The following CDKL5 variants were observed in gnomAD, a reference collection of about 807,000 sequenced individuals.
CDKL5 encodes the protein cyclin-dependent kinase-like 5.
CDKL5 carries 8 observed loss-of-function variants against 61.7 expected under a neutral mutation model. That is an observed-to-expected ratio of 0.13 (90% CI 0.08 to 0.23). The LOEUF (loss-of-function observed/expected upper bound fraction) is 0.23. Among genes scored for constraint, CDKL5 ranks in the 10% least tolerant of loss-of-function variants. The pLI, the probability that CDKL5 is intolerant of heterozygous loss-of-function variation, is 1.00. For missense variants in CDKL5, 440 were observed against 734.5 expected, an observed-to-expected ratio of 0.60 and a Z score of 4.63; for synonymous variants, 275 against 272.3, an observed-to-expected ratio of 1.01 and a Z score of -0.10.
chrX:18,561,453 T>C (rs1665870309), intron 3 of CDKL5, among the ~76,000 whole-genome samples: 1 of 110,383 alleles, frequency 9.1e-6, no homozygotes, highest in East Asian at 2.8e-4. Flanking sequence ...AAAAAAATTA[T>C]AGCTCATGTA....
intron 4 of CDKL5, among the ~76,000 whole-genome samples, chrX:18,566,048 T>C (rs1394114503): frequency 2.7e-5 from 3 of 112,339 alleles, no homozygotes; most frequent in African/African-American, 6.5e-5. Flanking sequence ...TAAAGGCTTC[T>C]GGCTGTGCAT....
At chrX:18,510,227 C>T (rs941994744) in intron 2 of CDKL5, among the ~76,000 whole-genome samples, 2 of 111,354 alleles carry the variant, frequency 1.8e-5, no homozygotes, top group Non-Finnish European at 3.8e-5. Flanking sequence ...GCGATCTGGA[C>T]TACTGCAACC....
chrX:18,619,760 G>A (rs929517161), intron 15 of CDKL5, 107 bp from the exon 16 acceptor site: 189 of 533,211 alleles, frequency 3.5e-4, no homozygotes, highest in Non-Finnish European at 5.6e-4. Flanking sequence ...GATTCTTCCC[G>A]GCTATAGGAA....
chrX:18,448,259 C>T (rs149918158), intron 1 of CDKL5, among the ~76,000 whole-genome samples: 1,709 of 111,852 alleles, frequency 0.015, 38 homozygotes, highest in African/African-American at 0.053. Flanking sequence ...CTACAGTTGC[C>T]AATGTGATAT....
intron 1 of CDKL5, among the ~76,000 whole-genome samples, chrX:18,460,910 G>T (rs940616163): frequency 1.2e-4 from 13 of 112,043 alleles, no homozygotes; most frequent in African/African-American, 4.2e-4. Context: ...TCCCAAATTT[G>T]ATATTCACAG....
At chrX:18,608,660 T>G in intron 12 of CDKL5, 151 bp from the exon 13 acceptor site, 1 of 470,596 alleles carries the variant, frequency 2.1e-6, no homozygotes, top group East Asian at 3.7e-5. Flanking sequence ...TTCATCAGAT[T>G]ATTCACTTTT....
At position 18,587,886 on chromosome X, in the gene CDKL5, T is replaced by C. The variant is rs191304021; in HGVS notation, c.555-68T>C. Reference sequence around the variant, plus strand: ...GTGCTGCACATAAATTTGTTCACAATAATTTGGAAATTATCAAAACATTAT... The same window carrying C: ...GTGCTGCACATAAATTTGTTCACAACAATTTGGAAATTATCAAAACATTAT... On this transcript the variant is annotated intron_variant, in intron 8 of 17. Transcript: ENST00000623535. 1.9e-3 allele frequency: 1,939 copies of C among 1,027,218 alleles called. 22 individuals are homozygous for C. In the African/African-American group the frequency reaches 0.031, roughly 16 times the overall value. The allele number at this position is 1,027,218 out of a possible 1,213,427, so 84.7% of individuals were successfully genotyped here. A position where few individuals can be genotyped will look rare whatever the true frequency, so the allele number is the denominator to read the frequency against.
At chrX:18,644,296 T>G, downstream of CDKL5, 1 of 596,171 alleles carries the variant, frequency 1.7e-6, no homozygotes, top group Non-Finnish European at 2.9e-6. Flanking sequence ...CAGCACATTG[T>G]GGGGGAAAGC....
At chrX:18,520,806 G>GT (rs1923217872) in intron 3 of CDKL5, among the ~76,000 whole-genome samples, 1 of 111,742 alleles carries the variant, frequency 8.9e-6, no homozygotes, top group Non-Finnish European at 1.9e-5. Flanking sequence ...GGAGTGCAGT[G>GT]TCTCCCTGCA....
At chrX:18,606,211 A>ACAC (rs1926362733) in intron 12 of CDKL5, among the ~76,000 whole-genome samples, 1 of 100,874 alleles carries the variant, frequency 9.9e-6, no homozygotes, top group African/African-American at 3.9e-5. Context: ...CACACACACA[A>ACAC]ACACACAATG....
chrX:18,616,014 A>G (rs780715409), intron 15 of CDKL5, among the ~76,000 whole-genome samples: 59 of 111,698 alleles, frequency 5.3e-4, no homozygotes, highest in African/African-American at 1.7e-3. Context: ...CATCTTTACT[A>G]ATAGGATAAC....
chrX:18,577,526 A>T (rs1469174444), intron 5 of CDKL5, among the ~76,000 whole-genome samples: 1 of 112,314 alleles, frequency 8.9e-6, no homozygotes, highest in Non-Finnish European at 1.9e-5. Context: ...ACCCTCACAT[A>T]TAAATACAAA....
rs998162293 is a variant in CDKL5 at position 18,483,709 on chromosome X, C to T, written c.-162-23226C>T. ...TGTTGGGATTACAGGTGTGAGCCAC[C>T]TCACCTGGCCTCATCATCTTAATTG... is the stretch of plus-strand genomic sequence containing the variant. On this transcript the variant is annotated intron_variant, in intron 1 of 17. Coordinates refer to ENST00000623535, the MANE Select transcript of CDKL5 (RefSeq NM_001323289.2). Among the ~76,000 whole-genome samples, 6 of 110,933 alleles carry T rather than the reference C, an allele frequency of 5.4e-5. No homozygotes were observed. The Admixed American group carries it at 5.8e-4, about 11-fold the overall frequency.
intron 1 of CDKL5, among the ~76,000 whole-genome samples, chrX:18,453,107 G>C (rs762246641): frequency 3.6e-5 from 4 of 111,534 alleles, no homozygotes; most frequent in Non-Finnish European, 7.5e-5. Flanking sequence ...TGGGATTACA[G>C]GCGTGGGCCA....
At chrX:18,530,381 A>G (rs1923601910) in intron 3 of CDKL5, among the ~76,000 whole-genome samples, 1 of 107,746 alleles carries the variant, frequency 9.3e-6, no homozygotes, top group African/African-American at 3.4e-5. Context: ...TCCTCTTTCC[A>G]TTTTAGTTTT....
rs538158224 is a variant in CDKL5, at chrX:18,531,246, C to G, written c.99+20392C>G. Among the ~76,000 whole-genome samples the G allele has an allele frequency of 3.6e-5, 4 of 112,394 alleles. No individual in the cohort carries two copies. The South Asian group carries it at 1.5e-3, about 41-fold the overall frequency. ...GTTGACCTTTGTTATGAAAAACATT[C>G]TGGCCTTATTTCAAAATGGTTACTT... On this transcript the variant is annotated intron_variant, in intron 3 of 17. Coordinates refer to ENST00000623535, the MANE Select transcript of CDKL5 (RefSeq NM_001323289.2).
rs1292108417 is a variant in CDKL5, at chrX:18,636,457, G to A, written c.*7700G>A. ...AATGAGGAAACAGATTTCCATACTT[G>A]ACATTAACCTGCCCAAGGTCACCCA... On this transcript the variant is annotated 3_prime_UTR_variant, in exon 18 of 18. Coordinates refer to ENST00000623535, the MANE Select transcript of CDKL5 (RefSeq NM_001323289.2). The A allele has an allele frequency of 9.2e-6, 1 of 108,543 alleles. No individual in the cohort carries two copies. The highest frequency in any genetic ancestry group is 3.3e-5 in the African/African-American group (1 of 29,877). 8.9% of individuals were successfully genotyped at this position (108,543 alleles called of 1,213,427 possible). A position where few individuals can be genotyped will look rare whatever the true frequency, so the allele number is the denominator to read the frequency against.
rs776702375 is a variant in CDKL5 at position 18,439,917 on chromosome X, G to A, written c.-163+14222G>A. On this transcript the variant is annotated intron_variant, in intron 1 of 17. Coordinates refer to ENST00000623535, the MANE Select transcript of CDKL5 (RefSeq NM_001323289.2). ...ATAACATTATGTCTAAAAAAAAAAA[G>A]CACATACTTTAATTAAAAATAATTT... 4.4e-3 allele frequency among the ~76,000 whole-genome samples: 442 copies of A among 101,126 alleles called. 1 individual carries two copies. In the Middle Eastern group the frequency reaches 0.047, roughly 11 times the overall value. The allele number at this position is 101,126 out of a possible 115,157, so 87.8% of individuals were successfully genotyped here. A position where few individuals can be genotyped will look rare whatever the true frequency, so the allele number is the denominator to read the frequency against.
chrX:18,458,547 C>A (rs1932202552), intron 1 of CDKL5, among the ~76,000 whole-genome samples: 1 of 111,051 alleles, frequency 9.0e-6, no homozygotes, highest in Non-Finnish European at 1.9e-5. Context: ...AAATCCCCCC[C>A]CACCCCAAAA....
Sources: allele counts gnomAD v4.1 joint callset (sites outside exome capture counted in the v4.1 genomes callset), GRCh38; gene constraint gnomAD v4.1.1; transcripts MANE v1.5; gene names NCBI Gene and HGNC (gene_info 2026-07-23, HGNC 2026-07-21).